VAMP5: variants seen among roughly 807,000 people sequenced by gnomAD.
VAMP5 encodes vesicle-associated membrane protein 5.
In VAMP5, 10 loss-of-function variants were observed where a neutral mutation model predicts 8.1. The ratio of observed to expected loss-of-function variants is 1.23; its 90% CI spans 0.76 to 2.09. The LOEUF is 2.09. VAMP5 is among the 30% of genes most tolerant of loss of function. The pLI is 0.00. For synonymous variants in VAMP5, 62 were observed against 60.6 expected (o/e 1.02, Z -0.11); for missense variants, 135 against 152.5 (o/e 0.89, Z 0.60).
rs1205565883 is a variant in VAMP5, at chr2:85,593,369, AGTAAAAAC to A, written c.*213_*220del. On this transcript the variant is annotated 3_prime_UTR_variant, in exon 3 of 3. Transcript: ENST00000306384. ...GCTGGGCCAGCCCCACCTGGAGCTC[AGTAAAAAC>A]TGCTGTTTGATTAAAAGCTGGTATC... The A allele has an allele frequency of 3.3e-6, 2 of 602,276 alleles. No homozygotes were observed. Among genetic ancestry groups the A allele is most frequent in the Non-Finnish European group, 5.9e-6 (2 of 340,534 alleles). The allele number at this position is 602,276 out of a possible 1,614,324, so 37.3% of individuals were successfully genotyped here. A position where few individuals can be genotyped will look rare whatever the true frequency, so the allele number is the denominator to read the frequency against.
At position 85,592,814 on chromosome 2, in the gene VAMP5, A is replaced by G; in HGVS notation, c.142-134A>G. ...AGACTCCTTCTCAAAAAAAAAAAAA[A>G]AAGAAAGAAAGTAGACAAGATGGGG... On this transcript the variant is annotated intron_variant, in intron 2 of 2. Coordinates refer to ENST00000306384, the MANE Select transcript of VAMP5 (RefSeq NM_006634.3). 3 of 837,322 alleles carry G rather than the reference A, an allele frequency of 3.6e-6. No homozygotes were observed. In the East Asian group the frequency reaches 7.7e-5, roughly 21 times the overall value. The allele number at this position is 837,322 out of a possible 1,614,324, so 51.9% of individuals were successfully genotyped here. A position where few individuals can be genotyped will look rare whatever the true frequency, so the allele number is the denominator to read the frequency against.
Position 85,593,117 on chromosome 2 carries a change from G to A in VAMP5, c.311G>A (p.Arg104Gln), listed in dbSNP as rs369298921. The change falls in exon 3 of 3, where the codon CGG becomes CAG. Residue 104 changes from arginine (R) to glutamine (Q), a missense_variant. By Grantham distance (43) the Arg-to-Gln change is conservative. Coordinates refer to ENST00000306384, the MANE Select transcript of VAMP5 (RefSeq NM_006634.3). ...AGCAGTGACAGCAGTAGTGCCCCAC[G>A]GACCCAGGATGCAGGCATTGCCTCA... is the stretch of plus-strand genomic sequence containing the variant. ...PQSSDSSSAP[R>Q]TQDAGIASGP... 3.9e-5 allele frequency: 63 copies of A among 1,614,202 alleles called. No individual in the cohort carries two copies. The highest frequency in any genetic ancestry group is 5.0e-5 in the Admixed American group (3 of 60,018).
chr2:85,586,491 G>T (rs1206687926), intron 1 of VAMP5, among the ~76,000 whole-genome samples: 1 of 152,122 alleles, frequency 6.6e-6, no homozygotes, highest in African/African-American at 2.4e-5. Context: ...CAGGAGAATC[G>T]CTTGAACCTG....
intron 1 of VAMP5, among the ~76,000 whole-genome samples, chr2:85,585,194 CT>C (rs1261059646): frequency 6.6e-6 from 1 of 152,252 alleles, no homozygotes; most frequent in Non-Finnish European, 1.5e-5. Context: ...TAACCTCTAC[CT>C]AGTGACACAT....
chr2:85,586,226 A>G (rs979268497), intron 1 of VAMP5, among the ~76,000 whole-genome samples: 4 of 152,124 alleles, frequency 2.6e-5, no homozygotes, highest in African/African-American at 9.7e-5. Context: ...TCTTCTACTC[A>G]CTGGCTCTGT....
At chr2:85,591,478 C>T (rs1287748579) in intron 1 of VAMP5, 11 of 489,164 alleles carry the variant, frequency 2.2e-5, no homozygotes, top group African/African-American at 1.2e-4. Flanking sequence ...TGCTGGAAGC[C>T]GGGACTTACC....
chr2:85,590,143 T>G (rs970138626), intron 1 of VAMP5, among the ~76,000 whole-genome samples: 3 of 152,196 alleles, frequency 2.0e-5, no homozygotes, highest in Non-Finnish European at 2.9e-5. Flanking sequence ...GAGCGCAGCC[T>G]CCCCTACAGT....
intron 1 of VAMP5, among the ~76,000 whole-genome samples, chr2:85,589,006 C>T (rs1449390251): frequency 1.3e-5 from 2 of 152,172 alleles, no homozygotes; most frequent in Non-Finnish European, 2.9e-5. Flanking sequence ...ACAATTAGGC[C>T]AGGCATGATG....
In VAMP5 at chr2:85,591,710, G is replaced by C; in HGVS notation, c.4-15G>C. On this transcript the variant is annotated splice_polypyrimidine_tract_variant and intron_variant, in intron 1 of 2. Transcript: ENST00000306384. ...GGGGGCCTCATGCAGCCCTGACCTC[G>C]GGCTTGGTGTCCAGGCAGGAATAGA... 6.2e-7 allele frequency: 1 copy of C among 1,614,026 alleles called. No individual in the cohort carries two copies. The highest frequency in any genetic ancestry group is 8.5e-7 in the Non-Finnish European group (1 of 1,179,948).
intron 1 of VAMP5, 109 bp downstream of exon 1, chr2:85,584,602 C>A (rs1672436448): frequency 1.7e-6 from 2 of 1,197,556 alleles, no homozygotes; most frequent in Non-Finnish European, 2.1e-6. Context: ...CTGGGGCCCA[C>A]GAGGGCCAGA....
In VAMP5 at chr2:85,591,714, T is replaced by A. The variant is rs539057492; in HGVS notation, c.4-11T>A. On this transcript the variant is annotated splice_polypyrimidine_tract_variant and intron_variant, in intron 1 of 2. Transcript: ENST00000306384. ...GCCTCATGCAGCCCTGACCTCGGGCTTGGTGTCCAGGCAGGAATAGAGTTG... is the reference window on the plus strand; with the variant it reads ...GCCTCATGCAGCCCTGACCTCGGGCATGGTGTCCAGGCAGGAATAGAGTTG... The A allele has an allele frequency of 5.6e-4, 902 of 1,614,022 alleles. 11 individuals carry two copies. The South Asian group carries it at 9.3e-3, about 17-fold the overall frequency.
At chr2:85,589,527 A>T (rs1293113917) in intron 1 of VAMP5, among the ~76,000 whole-genome samples, 1 of 152,240 alleles carries the variant, frequency 6.6e-6, no homozygotes, top group Non-Finnish European at 1.5e-5. Flanking sequence ...TAAGGTAACA[A>T]CAGCTGTAGC....
intron 1 of VAMP5, among the ~76,000 whole-genome samples, chr2:85,586,037 C>T (rs1672454749): frequency 6.6e-6 from 1 of 152,208 alleles, no homozygotes; most frequent in Non-Finnish European, 1.5e-5. Context: ...GATCCTCTCT[C>T]CAAAGAATGT....
rs756685424 is a variant in VAMP5 at position 85,593,050 on chromosome 2, C to T, written c.244C>T (p.Leu82Phe). 7 of 1,614,086 alleles carry T rather than the reference C, an allele frequency of 4.3e-6. No individual in the cohort carries two copies. Among genetic ancestry groups the T allele is most frequent in the South Asian group, 1.1e-5 (1 of 91,088 alleles). The change falls in exon 3 of 3, where the codon CTC becomes TTC. Residue 82 changes from leucine (L) to phenylalanine (F), a missense_variant. Transcript: ENST00000306384. ...GGGGCTGGTGGTGGTTGGTGTCCTGCTCATCATCCTGATTGTGCTGCTGGT... is the reference window on the plus strand; with the variant it reads ...GGGGCTGGTGGTGGTTGGTGTCCTGTTCATCATCCTGATTGTGCTGCTGGT... ...CVGLVVVGVL[L>F]IILIVLLVVF...
rs1465605410 is a variant in VAMP5 at position 85,593,007 on chromosome 2, C to G, written c.201C>G (p.Ile67Met). Residue 67 changes from isoleucine (I) to methionine (M), a missense_variant, in exon 3 of 3, where the codon ATC becomes ATG. Transcript: ENST00000306384. ...NLAQKKCWEN[I>M]RYRICVGLVV... ...CCCAGAAGAAGTGCTGGGAGAACAT[C>G]CGTTACCGGATCTGCGTGGGGCTGG... 1.2e-6 allele frequency: 2 copies of G among 1,614,034 alleles called. No individual in the cohort carries two copies. The highest frequency in any genetic ancestry group is 2.7e-5 in the African/African-American group (2 of 74,916).
rs529320536 is a variant in VAMP5, at chr2:85,591,627, A to G, written c.4-98A>G. On this transcript the variant is annotated intron_variant, in intron 1 of 2. Transcript: ENST00000306384. The stretch of plus-strand genomic sequence containing the variant: ...AAGGATGCTGTTACTCTCATGCTGT[A>G]CCCACCTACAGGGGGAGAAGGAGGC... 83 of 1,554,046 alleles carry G rather than the reference A, an allele frequency of 5.3e-5. No individual in the cohort carries two copies. In the South Asian group the frequency reaches 9.2e-4, roughly 17 times the overall value.
At chr2:85,587,646 C>T (rs1672485004) in intron 1 of VAMP5, among the ~76,000 whole-genome samples, 1 of 151,592 alleles carries the variant, frequency 6.6e-6, no homozygotes, top group African/African-American at 2.4e-5. Context: ...ATTTATTGAG[C>T]ATTTAGTATG....
Position 85,591,782 on chromosome 2 carries a change from C to G in VAMP5, c.61C>G (p.Arg21Gly), listed in dbSNP as rs752182825. 9.9e-6 allele frequency: 16 copies of G among 1,614,012 alleles called. No homozygotes were observed. Among genetic ancestry groups the G allele is most frequent in the Non-Finnish European group, 1.4e-5 (16 of 1,180,024 alleles). The part of the protein sequence containing the change: ...QQANEVTEIM[R>G]NNFGKVLERG... ...GGCGAACGAGGTGACGGAAATTATG[C>G]GTAACAACTTCGGCAAGGTCCTGGA... The change falls in exon 2 of 3, where the codon CGT becomes GGT. Residue 21 changes from arginine to glycine, a missense_variant. Arg to Gly is a moderately radical substitution (Grantham distance 125, BLOSUM62 -2). Transcript: ENST00000306384.
rs772693637 is a variant in VAMP5 at position 85,593,104 on chromosome 2, A to G, written c.298A>G (p.Ser100Gly). The change falls in exon 3 of 3, where the codon AGT becomes GGT. Residue 100 changes from serine to glycine, a missense_variant. By Grantham distance (56) the Ser-to-Gly change is moderately conservative (BLOSUM62 0). Coordinates refer to ENST00000306384, the MANE Select transcript of VAMP5 (RefSeq NM_006634.3). ...CTTTCTCCCTCAGAGCAGTGACAGC[A>G]GTAGTGCCCCACGGACCCAGGATGC... Reference protein sequence around the residue: ...VVFLPQSSDSSSAPRTQDAGI... With the variant: ...VVFLPQSSDSGSAPRTQDAGI... 6.2e-7 allele frequency: 1 copy of G among 1,614,228 alleles called. No homozygotes were observed.
Sources: gnomAD v4.1 joint callset for allele counts (sites outside exome capture counted in the v4.1 genomes callset) on GRCh38, gnomAD v4.1.1 for gene constraint, MANE v1.5 for transcripts, NCBI Gene and HGNC (gene_info 2026-07-23, HGNC 2026-07-21) for gene names.